The following DNAH6 variants were observed in gnomAD, a reference collection of about 807,000 sequenced individuals.
DNAH6 encodes axonemal beta dynein heavy chain 6.
In DNAH6, 340 loss-of-function variants were observed where a neutral mutation model predicts 491.4. The observed-to-expected ratio is 0.69, with a 90% CI of 0.63 to 0.76. The LOEUF (loss-of-function observed/expected upper bound fraction) is 0.76. Ranked by LOEUF, DNAH6 falls within the 30% of genes least tolerant of loss-of-function variation. The probability of loss-of-function intolerance (pLI) is 0.00; values close to 1 mark genes in which losing one functional copy is unlikely to be tolerated. For synonymous variants in DNAH6, 1,603 were observed against 1,686.1 expected, an observed-to-expected ratio of 0.95 and a Z score of 1.21; for missense variants, 4,443 against 4,972.2, an observed-to-expected ratio of 0.89 and a Z score of 3.20.
chr2:84,585,619 T>A (rs908072860), intron 15 of DNAH6, among the ~76,000 whole-genome samples: 1 of 151,890 alleles, frequency 6.6e-6, no homozygotes, highest in Non-Finnish European at 1.5e-5. Context: ...CTGGAGAGGG[T>A]AGCTCCCCTC....
intron 68 of DNAH6, among the ~76,000 whole-genome samples, chr2:84,794,669 C>T (rs1434726196): frequency 1.4e-5 from 2 of 145,592 alleles, no homozygotes; most frequent in African/African-American, 5.0e-5. Context: ...ATTAAAAAGT[C>T]AGGAAACAAC....
chr2:84,615,221 G>A (rs537890227), intron 22 of DNAH6, among the ~76,000 whole-genome samples: 1 of 152,102 alleles, frequency 6.6e-6, no homozygotes, highest in Non-Finnish European at 1.5e-5. Flanking sequence ...TTAGGTGAGA[G>A]ATGAGGATCC....
At chr2:84,813,173 C>A in intron 74 of DNAH6, 43 bp downstream of exon 74, 1 of 1,387,894 alleles carries the variant, frequency 7.2e-7, no homozygotes, top group Non-Finnish European at 1.0e-6. Context: ...ATGGCCATGA[C>A]TTCTCATACA....
chr2:84,606,766 A>G (rs912282882), intron 20 of DNAH6, among the ~76,000 whole-genome samples: 5 of 152,188 alleles, frequency 3.3e-5, no homozygotes, highest in African/African-American at 9.6e-5. Flanking sequence ...TTTGGCAATC[A>G]GAAGTCCTAG....
At chr2:84,712,325 G>A (rs1697121373) in intron 56 of DNAH6, among the ~76,000 whole-genome samples, 1 of 152,224 alleles carries the variant, frequency 6.6e-6, no homozygotes, top group Admixed American at 6.5e-5. Context: ...ATGTGGAACA[G>A]ATTTGTTAAA....
chr2:84,665,532 C>T (rs1266975275), intron 37 of DNAH6, among the ~76,000 whole-genome samples: 1 of 152,150 alleles, frequency 6.6e-6, no homozygotes, highest in African/African-American at 2.4e-5. Context: ...CACATACACC[C>T]TCCCAAGACT....
intron 58 of DNAH6, among the ~76,000 whole-genome samples, 195 bp from the exon 59 acceptor site, chr2:84,718,009 A>G (rs1697717396): frequency 6.6e-6 from 1 of 152,206 alleles, no homozygotes; most frequent in African/African-American, 2.4e-5. Context: ...ATCAGAATTG[A>G]CATGTAGTTG....
chr2:84,549,908 T>C lies in DNAH6; in HGVS notation c.1336T>C (p.Tyr446His), dbSNP rs1300533978. 1 of 1,602,536 alleles carries C rather than the reference T, an allele frequency of 6.2e-7. No homozygotes were observed. Among genetic ancestry groups the C allele is most frequent in the Non-Finnish European group, 8.5e-7 (1 of 1,174,772 alleles). Residue 446 changes from tyrosine to histidine, a missense_variant, in exon 9 of 77, where the codon TAT becomes CAT. By Grantham distance (83) the Tyr-to-His change is moderately conservative. Transcript: ENST00000389394. ...RLTCFIRLND[Y>H]LIENTMHILT... ...TTCAAGCTTTATTCGTCTAAACGAC[T>C]ATCTAATTGAGAACACAATGCACAT...
intron 23 of DNAH6, 38 bp downstream of exon 23, chr2:84,617,020 T>C: frequency 8.8e-7 from 1 of 1,139,082 alleles, no homozygotes; most frequent in Non-Finnish European, 1.2e-6. Flanking sequence ...TTTTTAGTAG[T>C]TATGACTGTC....
At chr2:84,567,679 C>G (rs1296840865) in intron 11 of DNAH6, among the ~76,000 whole-genome samples, 2 of 151,948 alleles carry the variant, frequency 1.3e-5, no homozygotes, top group African/African-American at 4.8e-5. Context: ...ATGTAAAACC[C>G]AAAACTATAA....
In DNAH6 at chr2:84,710,410, G is replaced by A; in HGVS notation, c.9376G>A (p.Glu3126Lys). 1 of 1,551,734 alleles carries A rather than the reference G, an allele frequency of 6.4e-7. No individual in the cohort carries two copies. The highest frequency in any genetic ancestry group is 8.7e-7 in the Non-Finnish European group (1 of 1,146,926). ...ACTTGGTTTACCTGTCTTACTGGAA[G>A]AGGTTTGATTTTCACTTCCTTTTCT... ...IRLGLPVLLE[E>K]LKETLDPALE... Residue 3126 changes from glutamate to lysine, a missense_variant and splice_region_variant, in exon 56 of 77, where the codon GAG (glutamate) becomes AAG (lysine). This residue lies in a region of DNAH6 where 1,463 missense variants were observed against 1,656.6 expected (regional missense o/e 0.88). Coordinates refer to ENST00000389394, the MANE Select transcript of DNAH6 (RefSeq NM_001370.2).
At chr2:84,658,874 G>T (rs1443787757) in intron 36 of DNAH6, among the ~76,000 whole-genome samples, 152 bp from the exon 37 acceptor site, 2 of 152,016 alleles carry the variant, frequency 1.3e-5, no homozygotes, top group African/African-American at 4.8e-5. Flanking sequence ...ACTACTCTGT[G>T]AACCATTGAG....
At chr2:84,595,222 G>A (rs1684466696) in intron 17 of DNAH6, among the ~76,000 whole-genome samples, 3 of 152,084 alleles carry the variant, frequency 2.0e-5, no homozygotes, top group Admixed American at 2.0e-4. Context: ...TTACATAATT[G>A]AGAAAAACAA....
At chr2:84,709,287 C>A in intron 54 of DNAH6, 56 bp from the exon 55 acceptor site, 1 of 1,525,224 alleles carries the variant, frequency 6.6e-7, no homozygotes, top group Admixed American at 2.0e-5. Context: ...TTTGCATGTG[C>A]CCTCGTTTAC....
Position 84,713,170 on chromosome 2 carries a change from A to C in DNAH6, c.9454A>C (p.Ile3152Leu), listed in dbSNP as rs1470141735. 3 of 1,551,728 alleles carry C rather than the reference A, an allele frequency of 1.9e-6. No homozygotes were observed. The highest frequency in any genetic ancestry group is 2.6e-6 in the Non-Finnish European group (3 of 1,146,992). The change falls in exon 57 of 77, where the codon ATC becomes CTC. Residue 3152 changes from isoleucine (I) to leucine (L), a missense_variant. Ile to Leu is a conservative substitution (Grantham distance 5). Transcript: ENST00000389394. The part of the protein sequence containing the change: ...QIFISGGRLL[I>L]RLGDSDIDYD... The stretch of plus-strand genomic sequence containing the variant: ...TTTTATCAGTGGTGGCCGACTACTC[A>C]TCCGTCTTGGAGACTCAGACATTGA...
chr2:84,663,888 C>T (rs1691797194), intron 37 of DNAH6, among the ~76,000 whole-genome samples: 1 of 152,208 alleles, frequency 6.6e-6, no homozygotes, highest in Non-Finnish European at 1.5e-5. Context: ...ATCAGACTAA[C>T]AGCTGATCTC....
the DNAH6 span, among the ~76,000 whole-genome samples, chr2:84,493,344 A>G: frequency 5.9e-5 from 9 of 152,214 alleles, no homozygotes; most frequent in Non-Finnish European, 1.0e-4. Context: ...TATATTGAGT[A>G]TATTGCCCCA....
chr2:84,469,786 G>A, the DNAH6 span, among the ~76,000 whole-genome samples: 1 of 152,274 alleles, frequency 6.6e-6, no homozygotes, highest in South Asian at 2.1e-4. The surrounding 1 kb of genome is among the most constrained non-coding windows in gnomAD (Gnocchi z 4.0). Context: ...CAACAGCAAA[G>A]CATGCAAGGC....
chr2:84,589,711 CAAAAAAA>C (rs1301777970), intron 16 of DNAH6, among the ~76,000 whole-genome samples: 2 of 58,336 alleles, frequency 3.4e-5, no homozygotes, highest in Admixed American at 1.8e-4. Context: ...GACCCTGTCT[CAAAAAAA>C]AAAAAAAAAA....
Sources: gnomAD v4.1 joint callset for allele counts (sites outside exome capture counted in the v4.1 genomes callset) on GRCh38, gnomAD v4.1.1 for gene constraint, gnomAD v4.1.1 regional missense constraint, Gnocchi (gnomAD v3.1) non-coding constraint, MANE v1.5 for transcripts, NCBI Gene and HGNC (gene_info 2026-07-23, HGNC 2026-07-21) for gene names.